Variants in CREB5 observed in about 807,000 individuals in gnomAD.
The protein encoded by CREB5 is cyclic AMP-responsive element-binding protein 5.
CREB5 carries 19 observed loss-of-function variants against 57.1 expected under a neutral mutation model. The ratio of observed to expected loss-of-function variants is 0.33; its 90% confidence interval spans 0.23 to 0.49. The LOEUF is 0.49. CREB5 is among the 20% of genes least tolerant of loss of function. CREB5 has a pLI of 0.99. For synonymous variants in CREB5, 238 were observed against 238.3 expected (o/e 1.00, Z 0.01); for missense variants, 579 against 671.6 (o/e 0.86, Z 1.52).
intron 1 of CREB5, among the ~76,000 whole-genome samples, chr7:28,414,366 A>T (rs1193572318): frequency 1.3e-5 from 2 of 151,734 alleles, no homozygotes; most frequent in African/African-American, 4.8e-5. Flanking sequence ...GTCCACTTTG[A>T]CTACCAGCTG....
intron 7 of CREB5, among the ~76,000 whole-genome samples, chr7:28,772,190 T>G (rs1230845112): frequency 6.6e-6 from 1 of 152,192 alleles, no homozygotes; most frequent in African/African-American, 2.4e-5. Context: ...AATCTCTCTT[T>G]AGAGAGACTC....
chr7:28,496,336 T>C (rs1336469755), intron 3 of CREB5, among the ~76,000 whole-genome samples: 3 of 152,248 alleles, frequency 2.0e-5, no homozygotes, highest in Non-Finnish European at 1.5e-5. Flanking sequence ...AGTGTTTCTA[T>C]GTTACTTTAA....
chr7:28,689,909 G>GGTGTGTGTGTGTGTGTGTGTGTGTGTGT (rs34310030), intron 5 of CREB5, among the ~76,000 whole-genome samples: 1 of 141,578 alleles, frequency 7.1e-6, no homozygotes, highest in African/African-American at 2.7e-5. Flanking sequence ...ACTTGTATTT[G>GGTGTGTGTGTGTGTGTGTGTGTGTGTGT]GTGTGTGTGT....
chr7:28,560,959 T>TGTGTGTGC (rs1562798119), intron 4 of CREB5, among the ~76,000 whole-genome samples: 1 of 32,128 alleles, frequency 3.1e-5, no homozygotes, highest in East Asian at 5.8e-4. Context: ...TGCGTGTGTG[T>TGTGTGTGC]GCGTGTGTGT....
At position 28,465,448 on chromosome 7, in the gene CREB5, G is replaced by A. The variant is rs576780304; in HGVS notation, c.4-22727G>A. Among the ~76,000 whole-genome samples, 9 of 152,318 alleles carry A rather than the reference G, an allele frequency of 5.9e-5. No individual in the cohort carries two copies. The East Asian group carries it at 1.7e-3, about 29-fold the overall frequency. ...ATATTCTTGTATTTATATCATAAATGTATTTCCAGGATTCACAGGTGTTTA... is the reference window on the plus strand; with the variant it reads ...ATATTCTTGTATTTATATCATAAATATATTTCCAGGATTCACAGGTGTTTA... On this transcript the variant is annotated intron_variant, in intron 1 of 10. Coordinates refer to ENST00000357727, the MANE Select transcript of CREB5 (RefSeq NM_182898.4).
At chr7:28,483,016 C>T (rs1197636354) in intron 1 of CREB5, among the ~76,000 whole-genome samples, 1 of 152,198 alleles carries the variant, frequency 6.6e-6, no homozygotes, top group Non-Finnish European at 1.5e-5. Flanking sequence ...TTAGTAATGG[C>T]TTTCTACAAT....
rs1488655006 is a variant in CREB5 at position 28,642,682 on chromosome 7, CCTT to C, written c.464+72148_464+72150del. 3.3e-5 allele frequency among the ~76,000 whole-genome samples: 5 copies of C among 152,204 alleles called. No homozygotes were observed. The South Asian group carries it at 8.3e-4, about 25-fold the overall frequency. ...GTATACTTCAGATGTGAGCTTCACTCCTTCTGCTGAAAATGTTCCAATTGATTG... is the reference window on the plus strand; with the variant it reads ...GTATACTTCAGATGTGAGCTTCACTCCTGCTGAAAATGTTCCAATTGATTG... On this transcript the variant is annotated intron_variant, in intron 5 of 10. Coordinates refer to ENST00000357727, the MANE Select transcript of CREB5 (RefSeq NM_182898.4).
upstream of CREB5, chr7:28,410,456 C>A (rs115746904): frequency 6.6e-6 from 3 of 456,662 alleles, no homozygotes; most frequent in South Asian, 3.1e-5. Flanking sequence ...GGGCAAGATG[C>A]GAAGGAAGGA....
chr7:28,815,225 A>G (rs184094000), intron 9 of CREB5, among the ~76,000 whole-genome samples: 35 of 152,348 alleles, frequency 2.3e-4, no homozygotes, highest in African/African-American at 8.4e-4. Flanking sequence ...GTGAACTATG[A>G]TGGTGCCACT....
intron 5 of CREB5, among the ~76,000 whole-genome samples, chr7:28,681,099 AG>A (rs1800569678): frequency 7.0e-6 from 1 of 142,176 alleles, no homozygotes; most frequent in Non-Finnish European, 1.6e-5. Context: ...GTCCAAAAAA[AG>A]GGAGCAAGAG....
At chr7:28,327,561 G>A (rs1230679730) in intron 1 of CREB5, among the ~76,000 whole-genome samples, 1 of 152,156 alleles carries the variant, frequency 6.6e-6, no homozygotes, top group Non-Finnish European at 1.5e-5. Context: ...CTTATTAATA[G>A]CATTACTTAT....
At chr7:28,660,228 G>A (rs1799547779) in intron 5 of CREB5, among the ~76,000 whole-genome samples, 1 of 152,112 alleles carries the variant, frequency 6.6e-6, no homozygotes, top group Non-Finnish European at 1.5e-5. Flanking sequence ...AAAAGTTGCA[G>A]TTAAAATAAC....
At chr7:28,310,613 A>G (rs1785258748) in intron 1 of CREB5, among the ~76,000 whole-genome samples, 1 of 152,226 alleles carries the variant, frequency 6.6e-6, no homozygotes, top group Non-Finnish European at 1.5e-5. Flanking sequence ...ATTTCTCTAT[A>G]TATTTGTCTA....
At chr7:28,542,237 G>A (rs1794236634) in intron 4 of CREB5, among the ~76,000 whole-genome samples, 1 of 152,190 alleles carries the variant, frequency 6.6e-6, no homozygotes, top group African/African-American at 2.4e-5. Flanking sequence ...GTTGCCTAAA[G>A]TAACACAGTT....
At chr7:28,654,658 G>C (rs1162719616) in intron 5 of CREB5, among the ~76,000 whole-genome samples, 1 of 152,172 alleles carries the variant, frequency 6.6e-6, no homozygotes, top group Non-Finnish European at 1.5e-5. Flanking sequence ...ATGGTTTAGA[G>C]GTATGGGTGG....
At chr7:28,351,746 T>G (rs538848508) in intron 1 of CREB5, among the ~76,000 whole-genome samples, 1 of 150,232 alleles carries the variant, frequency 6.7e-6, no homozygotes, top group African/African-American at 2.4e-5. Context: ...GAATGTACCA[T>G]ATTTTGTTAT....
At chr7:28,707,514 T>G (rs1160089952) in intron 5 of CREB5, among the ~76,000 whole-genome samples, 1 of 152,166 alleles carries the variant, frequency 6.6e-6, no homozygotes, top group African/African-American at 2.4e-5. Flanking sequence ...ATTTCCTGGT[T>G]AAGGATGGGA....
intron 5 of CREB5, among the ~76,000 whole-genome samples, chr7:28,608,348 C>G (rs1378328808): frequency 6.6e-6 from 1 of 152,036 alleles, no homozygotes; most frequent in Admixed American, 6.6e-5. Context: ...AAATAAAGGA[C>G]TTCAGCAGTA....
chr7:28,557,932 A>G (rs1187639185), intron 4 of CREB5, among the ~76,000 whole-genome samples: 2 of 132,718 alleles, frequency 1.5e-5, no homozygotes, highest in East Asian at 3.9e-4. Context: ...AGTGACTCCT[A>G]TTGCACCAGG....
Sources: allele counts gnomAD v4.1 joint callset (sites outside exome capture counted in the v4.1 genomes callset), GRCh38; gene constraint gnomAD v4.1.1; transcripts MANE v1.5; gene names NCBI Gene and HGNC (gene_info 2026-07-23, HGNC 2026-07-21).